The following CFTR variants were observed in gnomAD, a reference collection of about 807,000 sequenced individuals.
CFTR encodes the protein cystic fibrosis transmembrane conductance regulator.
In CFTR, 181 loss-of-function variants were observed where a neutral mutation model predicts 171.6. The ratio of observed to expected loss-of-function variants is 1.05; its 90% CI spans 0.93 to 1.19. CFTR has a LOEUF of 1.19. CFTR is among the 50% of genes most tolerant of loss of function. The pLI is 0.00. For synonymous variants in CFTR, 583 were observed against 608.0 expected (o/e 0.96, Z 0.60); for missense variants, 1,968 against 1,734.7 (o/e 1.13, Z -2.39).
intron 13 of CFTR, 125 bp from the exon 14 acceptor site, chr7:117,591,808 TA>T: frequency 1.7e-6 from 1 of 603,678 alleles, no homozygotes. Flanking sequence ...TAGAATCATT[TA>T]AAATATAATA....
rs759944527 is a variant in CFTR at position 117,627,519 on chromosome 7, C to A, written c.3469-3C>A. 6.8e-6 allele frequency: 11 copies of A among 1,612,790 alleles called. No homozygotes were observed. The East Asian group carries it at 2.5e-4, about 36-fold the overall frequency. Reference sequence around the variant, plus strand: ...AACAAAAATGTTGTTATTTTTATTTCAGATGCGATCTGTGAGCCGAGTCTT... The same window carrying A: ...AACAAAAATGTTGTTATTTTTATTTAAGATGCGATCTGTGAGCCGAGTCTT... On this transcript the variant is annotated splice_region_variant and splice_polypyrimidine_tract_variant and intron_variant, in intron 21 of 26. Coordinates refer to ENST00000003084, the MANE Select transcript of CFTR (RefSeq NM_000492.4).
rs927999121 is a variant in CFTR at position 117,599,618 on chromosome 7, G to A, written c.2620-3208G>A. ...ATGTAATATATGATGAATAGTTTTG[G>A]CCAGTATCCTCTAGACCTTGCCAGT... is the stretch of plus-strand genomic sequence containing the variant. On this transcript the variant is annotated intron_variant, in intron 15 of 26. Coordinates refer to ENST00000003084, the MANE Select transcript of CFTR (RefSeq NM_000492.4). Among the ~76,000 whole-genome samples, 3 of 152,046 alleles carry A rather than the reference G, an allele frequency of 2.0e-5. No individual in the cohort carries two copies. In the East Asian group the frequency reaches 5.8e-4, roughly 29 times the overall value.
chr7:117,656,613 C>A (rs1793187465), intron 24 of CFTR, among the ~76,000 whole-genome samples: 1 of 152,044 alleles, frequency 6.6e-6, no homozygotes, highest in Non-Finnish European at 1.5e-5. Context: ...GTTTCTTTAA[C>A]AGAATACTCT....
Position 117,540,298 on chromosome 7 carries a change from G to A in CFTR, c.1068G>A (p.Trp356Ter), listed in dbSNP as rs397508150. ...TGGCGGTCACTCGGCAATTTCCCTG[G>A]GCTGTACAAACATGGTATGACTCTC... is the stretch of plus-strand genomic sequence containing the variant. ...LRMAVTRQFP[W>*]AVQTWYDSLG... Residue 356 changes from tryptophan to a stop codon, truncating the protein, a stop_gained, in exon 8 of 27, where the codon TGG becomes TGA. Coordinates refer to ENST00000003084, the MANE Select transcript of CFTR (RefSeq NM_000492.4). LOFTEE classifies it high-confidence loss of function. 6.2e-7 allele frequency: 1 copy of A among 1,613,876 alleles called. No homozygotes were observed. Among genetic ancestry groups the A allele is most frequent in the Non-Finnish European group, 8.5e-7 (1 of 1,179,874 alleles).
At position 117,667,832 on chromosome 7, in the gene CFTR, CTGT is replaced by C. The variant is rs1469208218; in HGVS notation, c.*726_*728del. On this transcript the variant is annotated 3_prime_UTR_variant, in exon 27 of 27. Coordinates refer to ENST00000003084, the MANE Select transcript of CFTR (RefSeq NM_000492.4). ...AATACATCCCTTACCTGGGAAAGGG[CTGT>C]TATAATCTTTCACAGGGGACAGGAT... The C allele has an allele frequency of 2.6e-5, 4 of 154,092 alleles. No homozygotes were observed. Among genetic ancestry groups the C allele is most frequent in the Non-Finnish European group, 5.8e-5 (4 of 69,322 alleles). 9.5% of individuals were successfully genotyped at this position (154,092 alleles called of 1,614,324 possible).
intron 23 of CFTR, among the ~76,000 whole-genome samples, chr7:117,644,193 G>A (rs1023191592): frequency 1.7e-4 from 26 of 152,004 alleles, no homozygotes; most frequent in African/African-American, 6.3e-4. Context: ...TGTTTATGAT[G>A]CTGGTTTCTG....
chr7:117,555,245 T>G (rs1799333122), intron 10 of CFTR, among the ~76,000 whole-genome samples: 1 of 152,116 alleles, frequency 6.6e-6, no homozygotes, highest in Admixed American at 6.6e-5. Context: ...AAGTTAAAAT[T>G]TATCAAAACT....
At chr7:117,521,038 T>C (rs1167888301) in intron 3 of CFTR, among the ~76,000 whole-genome samples, 5 of 152,014 alleles carry the variant, frequency 3.3e-5, no homozygotes, top group Non-Finnish European at 7.4e-5. Context: ...TATGTCCCAA[T>C]AATGTTTTGT....
At chr7:117,594,584 A>C (rs1792091315) in intron 14 of CFTR, among the ~76,000 whole-genome samples, 1 of 152,188 alleles carries the variant, frequency 6.6e-6, no homozygotes, top group Admixed American at 6.6e-5. Flanking sequence ...GAGTTCTGGG[A>C]AACTTCATTT....
Position 117,592,124 on chromosome 7 carries a change from T to G in CFTR, c.1957T>G (p.Phe653Val), listed in dbSNP as rs1210495622. 6.2e-7 allele frequency: 1 copy of G among 1,613,910 alleles called. No homozygotes were observed. Among genetic ancestry groups the G allele is most frequent in the African/African-American group, 1.3e-5 (1 of 74,924 alleles). The change falls in exon 14 of 27, where the codon TTT becomes GTT. Residue 653 changes from phenylalanine to valine, a missense_variant. Physicochemically the swap from Phe to Val is conservative, Grantham distance 50. Coordinates refer to ENST00000003084, the MANE Select transcript of CFTR (RefSeq NM_000492.4). ...CATGGGATGTGATTCTTTCGACCAA[T>G]TTAGTGCAGAAAGAAGAAATTCAAT... ...KLMGCDSFDQ[F>V]SAERRNSILT...
intron 4 of CFTR, among the ~76,000 whole-genome samples, chr7:117,533,381 C>T (rs1798893499): frequency 6.6e-6 from 1 of 152,114 alleles, no homozygotes; most frequent in South Asian, 2.1e-4. Context: ...TTTTAACTTC[C>T]TTTTAACTAC....
At chr7:117,555,862 G>T (rs189720136) in intron 10 of CFTR, among the ~76,000 whole-genome samples, 169 of 152,256 alleles carry the variant, frequency 1.1e-3, no homozygotes, top group Admixed American at 2.3e-3. Context: ...TTATCTGTAA[G>T]GTTTCCACTC....
rs146811028 is a variant in CFTR, at chr7:117,573,036, T to TTCTCTCTCTCTC, written c.1584+13391_1584+13402dup. ...ACCATTAAATGTAACACTCCACCCTTTCTCTCTCTCTCTCTCTCTCTTGCT... is the reference window on the plus strand; with the variant it reads ...ACCATTAAATGTAACACTCCACCCTTTCTCTCTCTCTCTCTCTCTCTCTCTCTCTCTCTTGCT... On this transcript the variant is annotated intron_variant, in intron 11 of 26. Coordinates refer to ENST00000003084, the MANE Select transcript of CFTR (RefSeq NM_000492.4). 9.7e-5 allele frequency among the ~76,000 whole-genome samples: 14 copies of TTCTCTCTCTCTC among 144,338 alleles called. 1 individual carries two copies. The South Asian group carries it at 1.9e-3, about 20-fold the overall frequency. 94.7% of individuals were successfully genotyped at this position (144,338 alleles called of 152,430 possible).
intron 13 of CFTR, among the ~76,000 whole-genome samples, chr7:117,591,316 A>G (rs1792020485): frequency 6.6e-6 from 1 of 152,094 alleles, no homozygotes; most frequent in African/African-American, 2.4e-5. Flanking sequence ...TGACATTTTA[A>G]TGCCTAAAAA....
chr7:117,489,284 C>T (rs1311796530), intron 1 of CFTR, among the ~76,000 whole-genome samples: 3 of 151,938 alleles, frequency 2.0e-5, no homozygotes, highest in African/African-American at 4.8e-5. Context: ...ATATGAAGAA[C>T]GCTTAGACTA....
chr7:117,529,701 A>C (rs1399739361), intron 3 of CFTR, among the ~76,000 whole-genome samples: 1 of 152,094 alleles, frequency 6.6e-6, no homozygotes, highest in Non-Finnish European at 1.5e-5. Flanking sequence ...AAGCATGGTC[A>C]TCTATTGAGA....
At chr7:117,487,051 T>A (rs1353366964) in intron 1 of CFTR, among the ~76,000 whole-genome samples, 1 of 152,044 alleles carries the variant, frequency 6.6e-6, no homozygotes, top group Non-Finnish European at 1.5e-5. Flanking sequence ...GTGGTGCTGC[T>A]TATTGAATGA....
chr7:117,576,754 T>G (rs1791776167), intron 11 of CFTR, among the ~76,000 whole-genome samples: 1 of 152,112 alleles, frequency 6.6e-6, no homozygotes, highest in East Asian at 1.9e-4. Context: ...CTCCTATGCA[T>G]GAAGCAAAAG....
intron 13 of CFTR, among the ~76,000 whole-genome samples, chr7:117,591,277 T>G (rs1369239583): frequency 6.6e-6 from 1 of 152,106 alleles, no homozygotes; most frequent in Admixed American, 6.6e-5. Context: ...CAGTATAATC[T>G]AGAACAATGT....
Sources: gnomAD v4.1 joint callset for allele counts (sites outside exome capture counted in the v4.1 genomes callset) on GRCh38, gnomAD v4.1.1 for gene constraint, MANE v1.5 for transcripts, NCBI Gene and HGNC (gene_info 2026-07-23, HGNC 2026-07-21) for gene names.